Variants in SERGEF observed in about 807,000 individuals in gnomAD.
SERGEF encodes secretion regulating guanine nucleotide exchange factor.
Under a neutral mutation model 50.0 loss-of-function variants are expected in SERGEF, and 51 were observed. That is an observed-to-expected ratio of 1.02 (90% CI 0.81 to 1.29). The LOEUF is 1.29. Ranked by LOEUF, SERGEF falls within the 50% of genes most tolerant of loss-of-function variation. The pLI is 0.00. For synonymous variants in SERGEF, 205 were observed against 212.4 expected, an observed-to-expected ratio of 0.97 and a Z score of 0.30; for missense variants, 521 against 557.0, an observed-to-expected ratio of 0.94 and a Z score of 0.65.
At chr11:18,011,137 T>TAC (rs57370560) in intron 1 of SERGEF, among the ~76,000 whole-genome samples, 19,617 of 147,574 alleles carry the variant, frequency 0.13, 1,437 homozygotes, top group African/African-American at 0.22. Context: ...CATGCACACA[T>TAC]ACACACACAC....
intron 10 of SERGEF, among the ~76,000 whole-genome samples, chr11:17,790,186 T>G (rs1007611732): frequency 6.6e-6 from 1 of 152,232 alleles, no homozygotes; most frequent in African/African-American, 2.4e-5. Context: ...TTCTTGTCCC[T>G]CTATCCAACC....
At chr11:17,977,696 G>A (rs1027094428) in intron 8 of SERGEF, among the ~76,000 whole-genome samples, 1 of 152,168 alleles carries the variant, frequency 6.6e-6, no homozygotes, top group Admixed American at 6.5e-5. Context: ...CCTGTGGGAG[G>A]TGATGAGGTC....
At chr11:17,912,265 G>A (rs1851969115) in intron 9 of SERGEF, among the ~76,000 whole-genome samples, 1 of 152,196 alleles carries the variant, frequency 6.6e-6, no homozygotes, top group Non-Finnish European at 1.5e-5. Context: ...TTAGATGCCA[G>A]AGAAAAGTCA....
intron 8 of SERGEF, among the ~76,000 whole-genome samples, chr11:17,971,851 T>C (rs1853254661): frequency 6.6e-6 from 1 of 152,264 alleles, no homozygotes. Flanking sequence ...GGATTCATCA[T>C]TCTAGATGCC....
At chr11:17,795,671 A>G (rs1849560664) in intron 10 of SERGEF, among the ~76,000 whole-genome samples, 1 of 152,226 alleles carries the variant, frequency 6.6e-6, no homozygotes, top group South Asian at 2.1e-4. Context: ...TCACATTGCC[A>G]TGCTCTTGCC....
At chr11:17,882,579 G>A (rs1004376603) in intron 9 of SERGEF, among the ~76,000 whole-genome samples, 2 of 152,182 alleles carry the variant, frequency 1.3e-5, no homozygotes, top group African/African-American at 4.8e-5. Flanking sequence ...ATCAGACTGT[G>A]CATGTGTTAG....
chr11:17,922,694 C>G (rs2133940459), intron 9 of SERGEF, among the ~76,000 whole-genome samples: 1 of 152,274 alleles, frequency 6.6e-6, no homozygotes, highest in Non-Finnish European at 1.5e-5. Context: ...GCTTCAAATA[C>G]TGCTCGTTCT....
intron 10 of SERGEF, among the ~76,000 whole-genome samples, chr11:17,825,177 G>A (rs1392073638): frequency 6.6e-6 from 1 of 152,060 alleles, no homozygotes; most frequent in African/African-American, 2.4e-5. Flanking sequence ...TATGTGCTGG[G>A]GACACTAAAG....
chr11:17,948,739 A>AC (rs1852717982), intron 9 of SERGEF, among the ~76,000 whole-genome samples: 2 of 152,052 alleles, frequency 1.3e-5, no homozygotes, highest in African/African-American at 4.8e-5. Context: ...TGTGAGTGGG[A>AC]CCCCACTCTA....
At chr11:17,984,731 T>C (rs1390629790) in intron 8 of SERGEF, among the ~76,000 whole-genome samples, 1 of 152,160 alleles carries the variant, frequency 6.6e-6, no homozygotes, top group African/African-American at 2.4e-5. Context: ...ATCAGTAGGT[T>C]AAGAGAGCTA....
At chr11:17,962,696 G>A (rs758395315) in intron 8 of SERGEF, among the ~76,000 whole-genome samples, 19 of 152,136 alleles carry the variant, frequency 1.2e-4, no homozygotes, top group Non-Finnish European at 8.8e-5. Context: ...AGATATCAAC[G>A]TACCACAGAA....
intron 9 of SERGEF, among the ~76,000 whole-genome samples, chr11:17,940,242 T>C (rs1241139307): frequency 1.3e-5 from 2 of 152,108 alleles, no homozygotes; most frequent in South Asian, 4.2e-4. Flanking sequence ...ACTCTAAACA[T>C]TCCTCTCCTT....
chr11:18,011,299 A>G (rs548648611), intron 1 of SERGEF, among the ~76,000 whole-genome samples: 6 of 152,346 alleles, frequency 3.9e-5, no homozygotes, highest in South Asian at 2.1e-4. Flanking sequence ...AGGTTAAATG[A>G]GGTCATAAGG....
rs35473390 is a variant in SERGEF at position 17,878,248 on chromosome 11, TAA to T, written c.1012-6_1012-5del. On this transcript the variant is annotated splice_polypyrimidine_tract_variant and splice_region_variant and intron_variant, in intron 9 of 10. Coordinates refer to ENST00000265965, the MANE Select transcript of SERGEF (RefSeq NM_012139.4). The stretch of plus-strand genomic sequence containing the variant: ...TATGCTCTGAGCCACAAGAGACCTG[TAA>T]AAAAAAAAAAAGACAAAGAAAATGG... The T allele has an allele frequency of 5.0e-3, 6,580 of 1,323,312 alleles. 1 individual carries two copies. Among genetic ancestry groups the T allele is most frequent in the South Asian group, 7.7e-3 (569 of 74,084 alleles). The allele number at this position is 1,323,312 out of a possible 1,614,324, so 82.0% of individuals were successfully genotyped here.
In SERGEF at chr11:18,008,057, T is replaced by G; in HGVS notation, c.80A>C (p.Gln27Pro). 6.2e-7 allele frequency: 1 copy of G among 1,614,032 alleles called. No homozygotes were observed. Among genetic ancestry groups the G allele is most frequent in the Non-Finnish European group, 8.5e-7 (1 of 1,179,946 alleles). ...LFAWGANSYGQLGLGHKEDVL... is the reference protein window; with the variant it reads ...LFAWGANSYGPLGLGHKEDVL... ...ATCTTCCTTATGGCCGAGGCCAAGT[T>G]GCCCATAGCTATTTGCACCCTAGGG... Residue 27 changes from glutamine to proline, a missense_variant, in exon 2 of 11, where the codon CAA (glutamine) becomes CCA (proline). Coordinates refer to ENST00000265965, the MANE Select transcript of SERGEF (RefSeq NM_012139.4).
intron 9 of SERGEF, among the ~76,000 whole-genome samples, chr11:17,955,032 T>C (rs758535122): frequency 3.3e-5 from 5 of 152,200 alleles, no homozygotes; most frequent in Non-Finnish European, 7.3e-5. Flanking sequence ...GGCAGCCAGA[T>C]TACAAAACTA....
intron 10 of SERGEF, among the ~76,000 whole-genome samples, chr11:17,810,081 T>G (rs1849839910): frequency 6.6e-6 from 1 of 152,154 alleles, no homozygotes; most frequent in Non-Finnish European, 1.5e-5. Flanking sequence ...GGAGGTCTTC[T>G]GTCATGATAT....
intron 7 of SERGEF, among the ~76,000 whole-genome samples, chr11:17,992,220 C>T (rs1391256284): frequency 6.6e-6 from 1 of 151,938 alleles, no homozygotes; most frequent in Non-Finnish European, 1.5e-5. Context: ...ATTAGAGAAA[C>T]ATATAACAAT....
intron 9 of SERGEF, among the ~76,000 whole-genome samples, chr11:17,907,021 C>G (rs749918183): frequency 1.3e-5 from 2 of 152,052 alleles, no homozygotes; most frequent in South Asian, 2.1e-4. Flanking sequence ...TCTGCAGGCC[C>G]TTCTTCTCCT....
Sources: allele counts gnomAD v4.1 joint callset (sites outside exome capture counted in the v4.1 genomes callset), GRCh38; gene constraint gnomAD v4.1.1; transcripts MANE v1.5; gene names NCBI Gene and HGNC (gene_info 2026-07-23, HGNC 2026-07-21).